ZNF521: variants seen among roughly 807,000 people sequenced by gnomAD.
The protein encoded by ZNF521 is zinc finger protein 521.
Under a neutral mutation model 105.5 loss-of-function variants are expected in ZNF521, and 14 were observed. The ratio of observed to expected loss-of-function variants is 0.13; its 90% CI spans 0.09 to 0.21. ZNF521 has a LOEUF of 0.21. Among genes scored for constraint, ZNF521 ranks in the 10% least tolerant of loss-of-function variants. The probability of loss-of-function intolerance (pLI) is 1.00; values close to 1 mark genes in which losing one functional copy is unlikely to be tolerated. For missense variants in ZNF521, 1,233 were observed against 1,629.7 expected (o/e 0.76, Z 4.19); for synonymous variants, 635 against 606.0 (o/e 1.05, Z -0.70).
intron 5 of ZNF521, among the ~76,000 whole-genome samples, chr18:25,112,295 G>A (rs1288969433): frequency 6.6e-6 from 1 of 152,098 alleles, no homozygotes; most frequent in Non-Finnish European, 1.5e-5. Flanking sequence ...GGGCCTTCGG[G>A]TTTTCTCTTT....
chr18:25,183,809 A>G (rs1453422730), intron 5 of ZNF521, among the ~76,000 whole-genome samples: 1 of 152,156 alleles, frequency 6.6e-6, no homozygotes, highest in East Asian at 1.9e-4. Context: ...CTAGCAGATA[A>G]ATGTGGTTAG....
At chr18:25,193,486 C>A (rs1301822913) in intron 5 of ZNF521, among the ~76,000 whole-genome samples, 1 of 151,948 alleles carries the variant, frequency 6.6e-6, no homozygotes, top group Non-Finnish European at 1.5e-5. Flanking sequence ...TTCATTCAAG[C>A]CTATCTAAAA....
chr18:25,122,250 A>G lies in ZNF521; in HGVS notation c.3659-30169T>C, dbSNP rs912483211. 6.6e-5 allele frequency among the ~76,000 whole-genome samples: 10 copies of G among 152,306 alleles called. No individual in the cohort carries two copies. The East Asian group carries it at 1.2e-3, about 18-fold the overall frequency. Reference sequence around the variant, plus strand: ...AGAAACTATCCAAAATGAAACAGAGAGACAAGGTAGTGAAAAAAAATGAAC... The same window carrying G: ...AGAAACTATCCAAAATGAAACAGAGGGACAAGGTAGTGAAAAAAAATGAAC... On this transcript the variant is annotated intron_variant, in intron 5 of 7. Transcript: ENST00000361524.
At chr18:25,144,164 A>G (rs2034901521) in intron 5 of ZNF521, among the ~76,000 whole-genome samples, 2 of 152,218 alleles carry the variant, frequency 1.3e-5, no homozygotes, top group Admixed American at 1.3e-4. Context: ...AGGACCAGCA[A>G]GCTGCCTTCA....
intron 4 of ZNF521, among the ~76,000 whole-genome samples, chr18:25,218,988 T>C (rs1905520652): frequency 6.6e-6 from 1 of 152,176 alleles, no homozygotes; most frequent in African/African-American, 2.4e-5. Context: ...TTCTGCAGCC[T>C]ACGCAACTTG....
In ZNF521 at chr18:25,225,460, C is replaced by T. The variant is rs1315121615; in HGVS notation, c.2458G>A (p.Ala820Thr). The change falls in exon 4 of 8, where the codon GCG becomes ACG. Residue 820 changes from alanine to threonine, a missense_variant. Physicochemically the swap from Ala to Thr is moderately conservative, Grantham distance 58. Transcript: ENST00000361524. The surrounding 1 kb of genome is among the most constrained non-coding windows in gnomAD (Gnocchi z 5.6). ...NCKFCSKAFH[A>T]IILLEKHLRE... ...AAGTGTTTTTCTAACAAAATGATCG[C>T]ATGGAAGGCTTTGCTACAGAACTTG... is the stretch of plus-strand genomic sequence containing the variant. The T allele has an allele frequency of 6.2e-7, 1 of 1,614,176 alleles. No homozygotes were observed. Among genetic ancestry groups the T allele is most frequent in the Admixed American group, 1.7e-5 (1 of 60,020 alleles).
At chr18:25,270,130 T>C (rs2144936325) in intron 3 of ZNF521, among the ~76,000 whole-genome samples, 1 of 152,184 alleles carries the variant, frequency 6.6e-6, no homozygotes, top group Non-Finnish European at 1.5e-5. Context: ...AAATAACAAT[T>C]CCCATCAGAG....
chr18:25,324,226 A>G (rs1379812320), intron 2 of ZNF521, among the ~76,000 whole-genome samples: 1 of 152,160 alleles, frequency 6.6e-6, no homozygotes, highest in Non-Finnish European at 1.5e-5. Context: ...GGAGAAAAAA[A>G]TAGAGACTAC....
At chr18:25,190,132 C>G (rs1418211491) in intron 5 of ZNF521, among the ~76,000 whole-genome samples, 1 of 152,142 alleles carries the variant, frequency 6.6e-6, no homozygotes, top group Non-Finnish European at 1.5e-5. Flanking sequence ...TACCATTAAA[C>G]TGCCCAGATT....
At chr18:25,109,192 A>T (rs2034134679) in intron 5 of ZNF521, among the ~76,000 whole-genome samples, 1 of 151,948 alleles carries the variant, frequency 6.6e-6, no homozygotes, top group Non-Finnish European at 1.5e-5. Context: ...GTTCCCACTT[A>T]TAAGTGAGAA....
intron 5 of ZNF521, among the ~76,000 whole-genome samples, chr18:25,193,805 T>C (rs2035857705): frequency 1.3e-5 from 2 of 151,988 alleles, no homozygotes; most frequent in African/African-American, 4.8e-5. Flanking sequence ...TCACGAATAA[T>C]ATTAATACTT....
intron 5 of ZNF521, among the ~76,000 whole-genome samples, chr18:25,120,367 G>A (rs1361584962): frequency 2.6e-5 from 4 of 152,154 alleles, no homozygotes; most frequent in Admixed American, 6.5e-5. Flanking sequence ...CAGATCACCC[G>A]AGGTCAGGAG....
intron 3 of ZNF521, among the ~76,000 whole-genome samples, chr18:25,278,123 G>C (rs539149616): frequency 6.6e-6 from 1 of 152,278 alleles, no homozygotes; most frequent in Admixed American, 6.5e-5. Flanking sequence ...AGCAAAATAT[G>C]ACAGCACAGG....
Position 25,322,079 on chromosome 18 carries a change from T to C in ZNF521, c.149A>G (p.Asp50Gly). 1 of 1,614,176 alleles carries C rather than the reference T, an allele frequency of 6.2e-7. No homozygotes were observed. The highest frequency in any genetic ancestry group is 8.5e-7 in the Non-Finnish European group (1 of 1,180,004). The change falls in exon 3 of 8, where the codon GAC (aspartate) becomes GGC (glycine). Residue 50 changes from aspartate (D) to glycine (G), a missense_variant. Asp to Gly is a moderately conservative substitution (Grantham distance 94). Transcript: ENST00000361524. ...ELEDEAVHSC[D>G]SCLQVFESLS... ...CGATTCAAACACCTGGAGGCAGCTG[T>C]CACAGCTGTGCACAGCTTCGTCTTC...
intron 5 of ZNF521, among the ~76,000 whole-genome samples, chr18:25,115,497 A>T (rs2034284594): frequency 6.6e-6 from 1 of 152,198 alleles, no homozygotes; most frequent in African/African-American, 2.4e-5. Context: ...GCTGGTTCTT[A>T]TACCTATGGC....
At chr18:25,171,544 T>C (rs938810039) in intron 5 of ZNF521, among the ~76,000 whole-genome samples, 5 of 152,154 alleles carry the variant, frequency 3.3e-5, no homozygotes. Flanking sequence ...CAAAATGTAA[T>C]CCTTACTAGT....
intron 5 of ZNF521, among the ~76,000 whole-genome samples, chr18:25,163,348 AT>A (rs912183094): frequency 3.9e-5 from 6 of 152,158 alleles, no homozygotes; most frequent in African/African-American, 1.4e-4. Context: ...TGATGGCAGT[AT>A]TTTTTATAAC....
intron 3 of ZNF521, among the ~76,000 whole-genome samples, chr18:25,248,123 A>G (rs1245849799): frequency 1.3e-5 from 2 of 152,148 alleles, no homozygotes; most frequent in African/African-American, 4.8e-5. Context: ...TTTTCTACTT[A>G]AAGTCAGCTA....
At chr18:25,137,550 A>G (rs1372460964) in intron 5 of ZNF521, among the ~76,000 whole-genome samples, 1 of 152,030 alleles carries the variant, frequency 6.6e-6, no homozygotes, top group Non-Finnish European at 1.5e-5. Context: ...GACTGGTCCC[A>G]TGGAGTCCAG....
Sources: allele counts gnomAD v4.1 joint callset (sites outside exome capture counted in the v4.1 genomes callset), GRCh38; gene constraint gnomAD v4.1.1; non-coding constraint Gnocchi (gnomAD v3.1); transcripts MANE v1.5; gene names NCBI Gene and HGNC (gene_info 2026-07-23, HGNC 2026-07-21).